The following TMEM132C variants were observed in gnomAD, a reference collection of about 807,000 sequenced individuals.
TMEM132C encodes the protein protein phosphatase 1, regulatory subunit 152.
Under a neutral mutation model 61.4 loss-of-function variants are expected in TMEM132C, and 29 were observed. The observed-to-expected ratio is 0.47, with a 90% CI of 0.35 to 0.64. The LOEUF (loss-of-function observed/expected upper bound fraction) is 0.64. Among genes scored for constraint, TMEM132C ranks in the 30% least tolerant of loss-of-function variants. The pLI, the probability that TMEM132C is intolerant of heterozygous loss-of-function variation, is 0.00. For missense variants in TMEM132C, 1,408 were observed against 1,476.9 expected, an observed-to-expected ratio of 0.95 and a Z score of 0.76; for synonymous variants, 656 against 633.1, an observed-to-expected ratio of 1.04 and a Z score of -0.54.
At position 128,339,154 on chromosome 12, in the gene TMEM132C, C is replaced by G. The variant is rs551078578; in HGVS notation, c.85+71667C>G. The stretch of plus-strand genomic sequence containing the variant: ...GTTGGGGGCTGGGGGTTCCCTCCTT[C>G]AAAGCACTGGAGGTCAGCCCCCACT... On this transcript the variant is annotated intron_variant, in intron 1 of 8. Transcript: ENST00000435159. 3.3e-5 allele frequency among the ~76,000 whole-genome samples: 5 copies of G among 152,178 alleles called. No homozygotes were observed. The South Asian group carries it at 1.0e-3, about 32-fold the overall frequency.
At chr12:128,464,888 C>T (rs1290334712) in intron 2 of TMEM132C, among the ~76,000 whole-genome samples, 1 of 151,736 alleles carries the variant, frequency 6.6e-6, no homozygotes, top group East Asian at 1.9e-4. Flanking sequence ...GCATTAGGGC[C>T]TCAGGTACCA....
chr12:128,705,753 G>T lies in TMEM132C; in HGVS notation c.2785G>T (p.Ala929Ser), dbSNP rs187732790. The T allele has an allele frequency of 6.4e-7, 1 of 1,551,330 alleles. No homozygotes were observed. The highest frequency in any genetic ancestry group is 8.7e-7 in the Non-Finnish European group (1 of 1,147,016). Reference sequence around the variant, plus strand: ...GAGTGATCTGGAGATAGGGATGTACGCCCTCCTGGGGGTGTTCTGCCTGGC... The same window carrying T: ...GAGTGATCTGGAGATAGGGATGTACTCCCTCCTGGGGGTGTTCTGCCTGGC... Reference protein sequence around the residue: ...GLSDLEIGMYALLGVFCLAIL... With the variant: ...GLSDLEIGMYSLLGVFCLAIL... The change falls in exon 9 of 9, where the codon GCC becomes TCC. Residue 929 changes from alanine to serine, a missense_variant. Coordinates refer to ENST00000435159, the MANE Select transcript of TMEM132C (RefSeq NM_001136103.3).
At chr12:128,352,661 A>G (rs1194841449) in intron 1 of TMEM132C, among the ~76,000 whole-genome samples, 2 of 152,224 alleles carry the variant, frequency 1.3e-5, no homozygotes, top group East Asian at 1.9e-4. Flanking sequence ...GATGGACGCA[A>G]TCACCTTTCA....
chr12:128,361,447 A>C (rs1167494835), intron 1 of TMEM132C, among the ~76,000 whole-genome samples: 2 of 152,064 alleles, frequency 1.3e-5, no homozygotes, highest in African/African-American at 4.8e-5. Context: ...TGCCTGCCTG[A>C]CCCTTGCCAT....
At chr12:128,346,285 A>G (rs1478099114) in intron 1 of TMEM132C, among the ~76,000 whole-genome samples, 2 of 152,136 alleles carry the variant, frequency 1.3e-5, no homozygotes, top group African/African-American at 4.8e-5. Flanking sequence ...TACCAGTACC[A>G]TGCAGTTTTG....
chr12:128,331,266 T>A (rs1352575990), intron 1 of TMEM132C, among the ~76,000 whole-genome samples: 1 of 152,226 alleles, frequency 6.6e-6, no homozygotes, highest in Admixed American at 6.5e-5. Context: ...TTGTAATATA[T>A]GCACATCAAT....
intron 3 of TMEM132C, among the ~76,000 whole-genome samples, chr12:128,559,785 C>G (rs1379220633): frequency 6.6e-6 from 1 of 152,148 alleles, no homozygotes; most frequent in Non-Finnish European, 1.5e-5. Flanking sequence ...ACTGGTGCAT[C>G]CCCCTTGGAT....
intron 2 of TMEM132C, among the ~76,000 whole-genome samples, chr12:128,538,123 T>TAGC (rs1873599580): frequency 8.9e-6 from 1 of 112,388 alleles, no homozygotes; most frequent in South Asian, 2.9e-4. Flanking sequence ...GTGGTGGTAG[T>TAGC]AGTAGTAGTA....
chr12:128,285,428 C>A (rs1871023588), intron 1 of TMEM132C, among the ~76,000 whole-genome samples: 1 of 152,064 alleles, frequency 6.6e-6, no homozygotes, highest in Non-Finnish European at 1.5e-5. Context: ...ATTATCTTAT[C>A]ACCAGCTTTT....
intron 1 of TMEM132C, among the ~76,000 whole-genome samples, chr12:128,324,556 G>A (rs1024924317): frequency 5.3e-5 from 8 of 152,166 alleles, no homozygotes; most frequent in Admixed American, 5.2e-4. Context: ...GTTCCTTTTT[G>A]GTCATCAACA....
At chr12:128,303,158 T>C (rs1217091649) in intron 1 of TMEM132C, among the ~76,000 whole-genome samples, 4 of 152,224 alleles carry the variant, frequency 2.6e-5, no homozygotes, top group Admixed American at 6.5e-5. Flanking sequence ...TTTCTCCTTA[T>C]GGGTGTTAAA....
chr12:128,424,046 CAAAAAAAAAA>C (rs144980387), intron 2 of TMEM132C, among the ~76,000 whole-genome samples: 2 of 72,782 alleles, frequency 2.7e-5, no homozygotes, highest in Non-Finnish European at 4.7e-5. Flanking sequence ...GACTCTGTCT[CAAAAAAAAAA>C]AAAAAAAAAA....
At chr12:128,506,359 G>C (rs1349124736) in intron 2 of TMEM132C, among the ~76,000 whole-genome samples, 1 of 152,194 alleles carries the variant, frequency 6.6e-6, no homozygotes, top group East Asian at 1.9e-4. Context: ...AAAGAGGCAG[G>C]TGCTCAAGTC....
At chr12:128,481,363 A>G (rs1291553863) in intron 2 of TMEM132C, among the ~76,000 whole-genome samples, 1 of 152,144 alleles carries the variant, frequency 6.6e-6, no homozygotes, top group Non-Finnish European at 1.5e-5. Context: ...TATGCCAGGA[A>G]TGGGGACAGG....
intron 4 of TMEM132C, among the ~76,000 whole-genome samples, chr12:128,638,997 G>C (rs1954126151): frequency 7.0e-6 from 1 of 142,872 alleles, no homozygotes; most frequent in East Asian, 2.0e-4. Flanking sequence ...TGATGGTGAT[G>C]GTGGTGATGA....
At chr12:128,490,120 G>A (rs1871664361) in intron 2 of TMEM132C, among the ~76,000 whole-genome samples, 1 of 152,166 alleles carries the variant, frequency 6.6e-6, no homozygotes, top group Non-Finnish European at 1.5e-5. Flanking sequence ...AGGCTAGCAA[G>A]GGAGGTGATT....
chr12:128,283,340 G>T (rs887727711), intron 1 of TMEM132C, among the ~76,000 whole-genome samples: 1 of 152,138 alleles, frequency 6.6e-6, no homozygotes, highest in Non-Finnish European at 1.5e-5. Context: ...TTTGGAATCA[G>T]TTCAGTTGCT....
At chr12:128,590,736 G>A (rs1056686595) in intron 3 of TMEM132C, among the ~76,000 whole-genome samples, 2 of 152,198 alleles carry the variant, frequency 1.3e-5, no homozygotes, top group African/African-American at 4.8e-5. Flanking sequence ...GAAGCTGCAT[G>A]CAGGCAGGCT....
intron 1 of TMEM132C, among the ~76,000 whole-genome samples, chr12:128,376,672 G>T (rs1232678813): frequency 6.6e-6 from 1 of 152,204 alleles, no homozygotes; most frequent in Non-Finnish European, 1.5e-5. Context: ...GTTGTTACAT[G>T]AATGAATGTT....
Sources: allele counts gnomAD v4.1 joint callset (sites outside exome capture counted in the v4.1 genomes callset), GRCh38; gene constraint gnomAD v4.1.1; transcripts MANE v1.5; gene names NCBI Gene and HGNC (gene_info 2026-07-23, HGNC 2026-07-21).